The following ALPK2 variants were observed in gnomAD, a reference collection of about 807,000 sequenced individuals.
ALPK2 encodes the protein alpha-protein kinase 2.
In ALPK2, 127 loss-of-function variants were observed where a neutral mutation model predicts 163.1. The ratio of observed to expected loss-of-function variants is 0.78; its 90% confidence interval spans 0.67 to 0.90. The LOEUF is 0.90. Ranked by LOEUF, ALPK2 falls within the 40% of genes least tolerant of loss-of-function variation. The pLI is 0.00. For missense variants in ALPK2, 2,360 were observed against 2,589.6 expected, an observed-to-expected ratio of 0.91 and a Z score of 1.92; for synonymous variants, 953 against 959.1, an observed-to-expected ratio of 0.99 and a Z score of 0.12.
In ALPK2 at chr18:58,579,305, C is replaced by T. The variant is rs199734086; in HGVS notation, c.1471G>A (p.Val491Ile). The change falls in exon 4 of 13, where the codon GTA becomes ATA. Residue 491 changes from valine to isoleucine, a missense_variant. Physicochemically the swap from Val to Ile is conservative, Grantham distance 29 (BLOSUM62 3). Coordinates refer to ENST00000361673, the MANE Select transcript of ALPK2 (RefSeq NM_052947.4). ...SDNLLNMDES[V>I]RETEMKLLSG... ...AAGAGCTTCATCTCTGTCTCTCTTA[C>T]TGATTCATCCATGTTGAGCAGATTG... is the stretch of plus-strand genomic sequence containing the variant. The T allele has an allele frequency of 3.3e-5, 54 of 1,614,102 alleles. No homozygotes were observed. Among genetic ancestry groups the T allele is most frequent in the African/African-American group, 1.3e-5 (1 of 74,936 alleles).
At chr18:58,571,427 G>GAAAA (rs77059313) in intron 4 of ALPK2, among the ~76,000 whole-genome samples, 38 of 108,732 alleles carry the variant, frequency 3.5e-4, no homozygotes, top group Admixed American at 2.9e-3. Flanking sequence ...ACATCCACAG[G>GAAAA]AAAAAAAAAA....
In ALPK2 at chr18:58,579,909, G is replaced by C. The variant is rs773028180; in HGVS notation, c.867C>G (p.Ala289=). The C allele has an allele frequency of 2.5e-6, 4 of 1,614,152 alleles. No individual in the cohort carries two copies. In the East Asian group the frequency reaches 6.7e-5, roughly 27 times the overall value. The change falls in exon 4 of 13, where the codon GCC becomes GCG. Residue 289 remains alanine, a synonymous_variant. Coordinates refer to ENST00000361673, the MANE Select transcript of ALPK2 (RefSeq NM_052947.4). ...ATAHIYPGDS[A]VANKQPSPQL... Reference sequence around the variant, plus strand: ...GTGGGCTGGGTTGTTTGTTGGCCACGGCACTGTCACCTGGGTAAATGTGTG... The same window carrying C: ...GTGGGCTGGGTTGTTTGTTGGCCACCGCACTGTCACCTGGGTAAATGTGTG...
At chr18:58,611,276 T>TA (rs2052129367) in intron 2 of ALPK2, among the ~76,000 whole-genome samples, 1 of 37,878 alleles carries the variant, frequency 2.6e-5, no homozygotes, top group Non-Finnish European at 4.1e-5. Flanking sequence ...AGACTCCATC[T>TA]CAAAAAAAAA....
intron 8 of ALPK2, among the ~76,000 whole-genome samples, chr18:58,520,554 T>C (rs2051545028): frequency 6.6e-6 from 1 of 151,486 alleles, no homozygotes; most frequent in African/African-American, 2.4e-5. Context: ...ACCCATACAT[T>C]GTGAAATCCA....
At chr18:58,539,284 C>T (rs1250042166) in intron 4 of ALPK2, among the ~76,000 whole-genome samples, 1 of 151,944 alleles carries the variant, frequency 6.6e-6, no homozygotes, top group Non-Finnish European at 1.5e-5. Context: ...GCAGGCAGAC[C>T]ACCTCTACAG....
intron 9 of ALPK2, among the ~76,000 whole-genome samples, chr18:58,515,396 C>T (rs542802088): frequency 4.6e-5 from 7 of 152,228 alleles, no homozygotes; most frequent in Admixed American, 2.6e-4. Context: ...CCCCTCATCA[C>T]GTCATCAGGT....
At chr18:58,485,468 CCCT>C (rs1159716802) in intron 12 of ALPK2, among the ~76,000 whole-genome samples, 2 of 152,226 alleles carry the variant, frequency 1.3e-5, no homozygotes, top group Non-Finnish European at 2.9e-5. Flanking sequence ...ATCCAGCTGC[CCCT>C]CCTCCTCCTG....
chr18:58,505,180 A>G (rs572999184), intron 10 of ALPK2, among the ~76,000 whole-genome samples: 4 of 152,106 alleles, frequency 2.6e-5, no homozygotes, highest in Non-Finnish European at 4.4e-5. Context: ...GGGCAGGGAG[A>G]CCGGGGCCAG....
At chr18:58,496,919 G>A (rs2051404015) in intron 12 of ALPK2, among the ~76,000 whole-genome samples, 1 of 152,162 alleles carries the variant, frequency 6.6e-6, no homozygotes, top group African/African-American at 2.4e-5. Flanking sequence ...CTGTCCACCT[G>A]CCCTAATCAC....
intron 3 of ALPK2, among the ~76,000 whole-genome samples, chr18:58,607,041 AG>A (rs1253653518): frequency 1.3e-5 from 2 of 152,318 alleles, no homozygotes; most frequent in Middle Eastern, 3.4e-3. Context: ...TGAAATGAAA[AG>A]CTTATTTAAT....
chr18:58,565,590 T>G (rs2051847670), intron 4 of ALPK2, among the ~76,000 whole-genome samples: 1 of 152,232 alleles, frequency 6.6e-6, no homozygotes, highest in South Asian at 2.1e-4. Flanking sequence ...TATTTGATTT[T>G]TATATACCCT....
At chr18:58,595,920 C>T (rs879330308) in intron 3 of ALPK2, among the ~76,000 whole-genome samples, 2 of 152,112 alleles carry the variant, frequency 1.3e-5, no homozygotes, top group African/African-American at 2.4e-5. Flanking sequence ...AGGCTCTGAG[C>T]GGCAACATCT....
Position 58,594,599 on chromosome 18 carries a change from A to G in ALPK2, c.227+12723T>C, listed in dbSNP as rs141819882. On this transcript the variant is annotated intron_variant, in intron 3 of 12. Coordinates refer to ENST00000361673, the MANE Select transcript of ALPK2 (RefSeq NM_052947.4). ...CAGCAGCACAAATGTCCCTAGCCAC[A>G]GAGGCCCAGAGCTCTGCTAATTCAT... 5.2e-3 allele frequency among the ~76,000 whole-genome samples: 796 copies of G among 152,354 alleles called. 6 individuals carry two copies. The highest frequency in any genetic ancestry group is 0.018 in the African/African-American group (732 of 41,590).
At chr18:58,561,519 TA>T (rs1270382087) in intron 4 of ALPK2, among the ~76,000 whole-genome samples, 4 of 152,284 alleles carry the variant, frequency 2.6e-5, no homozygotes, top group South Asian at 2.1e-4. Context: ...GCAGTTAGTT[TA>T]TTCAGGAGAT....
Position 58,537,414 on chromosome 18 carries a change from C to A in ALPK2, c.2773G>T (p.Val925Leu). The A allele has an allele frequency of 6.2e-7, 1 of 1,613,618 alleles. No individual in the cohort carries two copies. ...CTTGGCTGCTCCTGGCCAGCATGTA[C>A]TGTGGAGGCCAGTGGGTAGGTGGAA... ...ENSTYPLAST[V>L]HAGQEQPSPS... The change falls in exon 5 of 13, where the codon GTA becomes TTA. Residue 925 changes from valine (V) to leucine (L), a missense_variant. Physicochemically the swap from Val to Leu is conservative, Grantham distance 32. Coordinates refer to ENST00000361673, the MANE Select transcript of ALPK2 (RefSeq NM_052947.4).
At chr18:58,503,522 T>C (rs1226798307) in intron 11 of ALPK2, among the ~76,000 whole-genome samples, 1 of 152,046 alleles carries the variant, frequency 6.6e-6, no homozygotes, top group Non-Finnish European at 1.5e-5. Context: ...CAGGACGCTG[T>C]CTCTACAAAA....
chr18:58,573,234 G>A (rs201194141), intron 4 of ALPK2, among the ~76,000 whole-genome samples: 1,720 of 116,032 alleles, frequency 0.015, 69 homozygotes, highest in African/African-American at 0.031. Flanking sequence ...GTGTATATGT[G>A]TGTATATATG....
At chr18:58,526,107 A>C (rs550504097) in intron 6 of ALPK2, among the ~76,000 whole-genome samples, 6 of 152,252 alleles carry the variant, frequency 3.9e-5, no homozygotes, top group African/African-American at 1.4e-4. Context: ...CAAGAGGGTA[A>C]GTTCAGTTTC....
chr18:58,524,029 G>T lies in ALPK2; in HGVS notation c.5535C>A (p.Ile1845=). Residue 1845 remains isoleucine (I), a synonymous_variant, in exon 7 of 13, where the codon ATC becomes ATA. Coordinates refer to ENST00000361673, the MANE Select transcript of ALPK2 (RefSeq NM_052947.4). ...CCTGGTCCTTCGGACTGGCTTGCACGATGGCAAAGGAAACAGTGGAGTTGT... is the reference window on the plus strand; with the variant it reads ...CCTGGTCCTTCGGACTGGCTTGCACTATGGCAAAGGAAACAGTGGAGTTGT... The part of the protein sequence containing the change: ...AGDNSTVSFA[I]VQASPKDQGL... 1 of 1,613,862 alleles carries T rather than the reference G, an allele frequency of 6.2e-7. No individual in the cohort carries two copies. Among genetic ancestry groups the T allele is most frequent in the Non-Finnish European group, 8.5e-7 (1 of 1,179,818 alleles).
Sources: allele counts gnomAD v4.1 joint callset (sites outside exome capture counted in the v4.1 genomes callset), GRCh38; gene constraint gnomAD v4.1.1; transcripts MANE v1.5; gene names NCBI Gene and HGNC (gene_info 2026-07-23, HGNC 2026-07-21).